Variants in TRIM37 observed in about 807,000 individuals in gnomAD.
TRIM37 encodes E3 ubiquitin-protein ligase TRIM37.
In TRIM37, 80 loss-of-function variants were observed where a neutral mutation model predicts 129.8. The observed-to-expected ratio is 0.62, with a 90% CI of 0.51 to 0.74. The LOEUF is 0.74. TRIM37 is among the 30% of genes least tolerant of loss of function. The pLI is 0.00. For synonymous variants in TRIM37, 389 were observed against 387.1 expected (o/e 1.00, Z -0.06); for missense variants, 1,054 against 1,176.5 (o/e 0.90, Z 1.52).
intron 17 of TRIM37, among the ~76,000 whole-genome samples, chr17:59,036,448 G>C (rs967878426): frequency 1.4e-4 from 3 of 21,568 alleles, no homozygotes; most frequent in Admixed American, 6.8e-4. Flanking sequence ...TTTGCTGGGG[G>C]TGTGTGTGTG....
At chr17:59,096,568 A>C (rs1401507560) in intron 2 of TRIM37, among the ~76,000 whole-genome samples, 6 of 150,832 alleles carry the variant, frequency 4.0e-5, no homozygotes, top group Admixed American at 6.6e-5. Flanking sequence ...AAAAACAAAA[A>C]AAAAAAAACC....
intron 3 of TRIM37, chr17:59,090,230 T>C (rs1212211108): frequency 6.6e-6 from 1 of 152,200 alleles, no homozygotes; most frequent in Non-Finnish European, 1.5e-5. Context: ...AATCAAGGTA[T>C]AGTCATAAAA....
downstream of TRIM37, chr17:58,980,857 C>T (rs1382426748): frequency 9.3e-6 from 15 of 1,614,034 alleles, no homozygotes; most frequent in Middle Eastern, 1.6e-4. This position sits in a 1 kb window ranked among gnomAD's most constrained non-coding sequence, Gnocchi z 4.7. Flanking sequence ...AGCCTTCCCA[C>T]AAAATAGGCA....
At chr17:59,048,414 A>C (rs1314293887) in intron 15 of TRIM37, among the ~76,000 whole-genome samples, 3 of 152,130 alleles carry the variant, frequency 2.0e-5, no homozygotes, top group Non-Finnish European at 2.9e-5. Flanking sequence ...CTACAAAAAA[A>C]CCAACTGTCT....
At chr17:59,035,452 T>C (rs1344407178) in intron 17 of TRIM37, among the ~76,000 whole-genome samples, 1 of 152,084 alleles carries the variant, frequency 6.6e-6, no homozygotes, top group Admixed American at 6.6e-5. Context: ...AGCTTTTGGC[T>C]ATTAAGAATA....
intron 15 of TRIM37, 134 bp downstream of exon 15, chr17:59,049,043 CA>C: frequency 1.4e-6 from 1 of 728,146 alleles, no homozygotes; most frequent in Non-Finnish European, 2.4e-6. Context: ...TACATAAGGG[CA>C]TACATACATT....
chr17:58,998,938 A>T lies in TRIM37; in HGVS notation c.*439T>A, dbSNP rs2033315120. On this transcript the variant is annotated 3_prime_UTR_variant, in exon 24 of 24. Coordinates refer to ENST00000262294, the MANE Select transcript of TRIM37 (RefSeq NM_015294.6). ...TCACTAATCTACAGGCACTAATGGA[A>T]CTGTAATTAAAACCCCAAATATAAA... 9.7e-7 allele frequency: 1 copy of T among 1,032,942 alleles called. No homozygotes were observed. The highest frequency in any genetic ancestry group is 5.1e-5 in the Admixed American group (1 of 19,530). The allele number at this position is 1,032,942 out of a possible 1,614,324, so 64.0% of individuals were successfully genotyped here.
chr17:58,973,275 G>A, the TRIM37 span, among the ~76,000 whole-genome samples: 4 of 151,888 alleles, frequency 2.6e-5, no homozygotes, highest in Non-Finnish European at 5.9e-5. Flanking sequence ...AAATTAGCCA[G>A]GCGTGGTGGC....
chr17:59,045,948 G>A (rs936137580), intron 16 of TRIM37, among the ~76,000 whole-genome samples: 5 of 151,998 alleles, frequency 3.3e-5, no homozygotes, highest in Non-Finnish European at 7.4e-5. Flanking sequence ...CCCAGGAGAT[G>A]GAGGTTGCAG....
At chr17:58,992,675 C>T (rs778640810) in intron 24 of TRIM37, among the ~76,000 whole-genome samples, 57 of 152,146 alleles carry the variant, frequency 3.7e-4, no homozygotes, top group African/African-American at 8.4e-4. Context: ...CCACTGTGCC[C>T]GGCAGGTGTC....
At chr17:59,090,468 G>A (rs907450649) in intron 3 of TRIM37, among the ~76,000 whole-genome samples, 2 of 152,116 alleles carry the variant, frequency 1.3e-5, no homozygotes, top group African/African-American at 4.8e-5. Context: ...CAGTCTAGAA[G>A]AATAGATACC....
intron 17 of TRIM37, among the ~76,000 whole-genome samples, chr17:59,032,400 C>T (rs1449568893): frequency 6.6e-6 from 1 of 151,270 alleles, no homozygotes; most frequent in Non-Finnish European, 1.5e-5. Flanking sequence ...TGGCGGGCGC[C>T]TGTAGTCCCA....
At chr17:58,973,290 G>A in the TRIM37 span, among the ~76,000 whole-genome samples, 5 of 151,934 alleles carry the variant, frequency 3.3e-5, no homozygotes, top group Middle Eastern at 3.4e-3. Context: ...GGTGGCGGGC[G>A]CCTGTAATCC....
intron 20 of TRIM37, 111 bp downstream of exon 20, chr17:59,017,185 C>T: frequency 7.2e-7 from 1 of 1,395,632 alleles, no homozygotes; most frequent in Non-Finnish European, 1.0e-6. Flanking sequence ...CTTTCAAATC[C>T]AACTTTAGCA....
chr17:59,096,985 T>A (rs1037220287), intron 2 of TRIM37, among the ~76,000 whole-genome samples: 2 of 152,180 alleles, frequency 1.3e-5, no homozygotes, highest in Admixed American at 6.5e-5. Flanking sequence ...ACAAAAATCA[T>A]TCAATGTAAT....
At position 58,998,243 on chromosome 17, in the gene TRIM37, T is replaced by G; in HGVS notation, c.*1134A>C. The G allele has an allele frequency of 1.0e-6, 1 of 985,462 alleles. No homozygotes were observed. Among genetic ancestry groups the G allele is most frequent in the Non-Finnish European group, 1.2e-6 (1 of 829,938 alleles). 61.0% of individuals were successfully genotyped at this position (985,462 alleles called of 1,614,324 possible). On this transcript the variant is annotated 3_prime_UTR_variant, in exon 24 of 24. Coordinates refer to ENST00000262294, the MANE Select transcript of TRIM37 (RefSeq NM_015294.6). The stretch of plus-strand genomic sequence containing the variant: ...TTATTAACAAAAAGTGCAAACTATT[T>G]TGAACAAAAGTAAACTATGAGTCAC...
intron 22 of TRIM37, among the ~76,000 whole-genome samples, chr17:59,003,013 A>T (rs1323469495): frequency 6.6e-6 from 1 of 152,064 alleles, no homozygotes; most frequent in Non-Finnish European, 1.5e-5. Context: ...TCAGCCTCCC[A>T]ACAGGCCTGT....
At chr17:58,972,322 T>C in the TRIM37 span, 7 of 1,554,662 alleles carry the variant, frequency 4.5e-6, no homozygotes, top group Admixed American at 1.4e-4. Context: ...GTTATTAGTT[T>C]AGATTTTCTA....
intron 2 of TRIM37, among the ~76,000 whole-genome samples, chr17:59,099,143 AT>A (rs549926742): frequency 2.2e-4 from 34 of 152,252 alleles, no homozygotes; most frequent in African/African-American, 7.9e-4. Context: ...AGATCGCACG[AT>A]TGCACTCCAG....
Sources: gnomAD v4.1 joint callset for allele counts (sites outside exome capture counted in the v4.1 genomes callset) on GRCh38, gnomAD v4.1.1 for gene constraint, Gnocchi (gnomAD v3.1) non-coding constraint, MANE v1.5 for transcripts, NCBI Gene and HGNC (gene_info 2026-07-23, HGNC 2026-07-21) for gene names.